The following CSMD1 variants were observed in gnomAD, a reference collection of about 807,000 sequenced individuals.
CSMD1 encodes CUB and sushi domain-containing protein 1.
CSMD1 carries 213 observed loss-of-function variants against 417.5 expected under a neutral mutation model. That is an observed-to-expected ratio of 0.51 (90% confidence interval 0.46 to 0.57). CSMD1 has a LOEUF of 0.57. Among genes scored for constraint, CSMD1 ranks in the 20% least tolerant of loss-of-function variants. The pLI, the probability that CSMD1 is intolerant of heterozygous loss-of-function variation, is 0.00. For synonymous variants in CSMD1, 2,862 were observed against 1,736.8 expected (o/e 1.65, Z -16.11); for missense variants, 6,923 against 4,529.7 (o/e 1.53, Z -15.17).
rs140180180 is a variant in CSMD1, at chr8:4,445,338, A to C, written c.303-25273T>G. Reference sequence around the variant, plus strand: ...ATCAACCATTTTCTGTATACTTCAGAAGTGTATGAAGTCTTTTCCTTAATA... The same window carrying C: ...ATCAACCATTTTCTGTATACTTCAGCAGTGTATGAAGTCTTTTCCTTAATA... On this transcript the variant is annotated intron_variant, in intron 2 of 69. Transcript: ENST00000635120. Among the ~76,000 whole-genome samples the C allele has an allele frequency of 4.5e-3, 689 of 152,294 alleles. 4 individuals carry two copies. The highest frequency in any genetic ancestry group is 0.016 in the African/African-American group (649 of 41,552).
At chr8:3,797,086 C>T (rs1346728371) in intron 5 of CSMD1, among the ~76,000 whole-genome samples, 2 of 151,812 alleles carry the variant, frequency 1.3e-5, no homozygotes, top group Non-Finnish European at 3.0e-5. Context: ...TGGACTTCTC[C>T]TTTAATGGGT....
chr8:4,085,580 A>C (rs1330901245), intron 3 of CSMD1, among the ~76,000 whole-genome samples: 1 of 152,214 alleles, frequency 6.6e-6, no homozygotes, highest in South Asian at 2.1e-4. Flanking sequence ...AATATGAAAG[A>C]AACTATCGAC....
chr8:4,227,323 C>G (rs1221776469), intron 3 of CSMD1, among the ~76,000 whole-genome samples: 2 of 152,156 alleles, frequency 1.3e-5, no homozygotes, highest in Admixed American at 6.5e-5. Context: ...TCTCCCACCA[C>G]TCACCACCCC....
chr8:4,595,458 T>C (rs943827230), intron 2 of CSMD1, among the ~76,000 whole-genome samples: 1 of 151,362 alleles, frequency 6.6e-6, no homozygotes, highest in African/African-American at 2.4e-5. Flanking sequence ...GGTAAGACTG[T>C]TCTGGTTCTG....
intron 7 of CSMD1, among the ~76,000 whole-genome samples, chr8:3,651,698 G>A (rs191198590): frequency 1.2e-4 from 18 of 151,958 alleles, no homozygotes; most frequent in Admixed American, 5.2e-4. Flanking sequence ...CCATCAGAGC[G>A]CTTACCACCA....
intron 23 of CSMD1, among the ~76,000 whole-genome samples, chr8:3,315,433 A>AGTGG (rs1188500819): frequency 4.5e-5 from 2 of 44,810 alleles, no homozygotes; most frequent in African/African-American, 1.5e-4. Flanking sequence ...TTCTAGGTGA[A>AGTGG]GTGAGTGTGT....
chr8:3,996,409 G>C (rs1262590050), intron 5 of CSMD1, among the ~76,000 whole-genome samples: 9 of 151,386 alleles, frequency 5.9e-5, no homozygotes, highest in African/African-American at 2.2e-4. Context: ...TAGAGCATAT[G>C]TACTAAAGAG....
chr8:3,853,420 T>C (rs1296884701), intron 5 of CSMD1, among the ~76,000 whole-genome samples: 1 of 152,190 alleles, frequency 6.6e-6, no homozygotes. Context: ...ACTTTAAAAA[T>C]GTATTTTCTT....
chr8:4,496,544 C>T (rs1801987733), intron 2 of CSMD1, among the ~76,000 whole-genome samples: 1 of 152,178 alleles, frequency 6.6e-6, no homozygotes, highest in East Asian at 1.9e-4. Context: ...TGAATGACCT[C>T]TGTTTTGAAC....
chr8:4,414,404 A>G (rs1185940274), intron 3 of CSMD1, among the ~76,000 whole-genome samples: 1 of 152,158 alleles, frequency 6.6e-6, no homozygotes, highest in African/African-American at 2.4e-5. Context: ...ACTGTAGGCC[A>G]TTTTCTTTCA....
chr8:4,372,730 G>C (rs1036731129), intron 3 of CSMD1, among the ~76,000 whole-genome samples: 2 of 134,790 alleles, frequency 1.5e-5, no homozygotes, highest in African/African-American at 3.0e-5. Context: ...TCCAAACCTA[G>C]AAAATGGAGG....
intron 3 of CSMD1, among the ~76,000 whole-genome samples, chr8:4,414,620 C>T (rs1269339568): frequency 2.6e-5 from 4 of 151,998 alleles, no homozygotes; most frequent in Non-Finnish European, 5.9e-5. Context: ...CTTCTGCATG[C>T]GTGGGTGTGT....
chr8:3,468,462 T>C (rs1816907840), intron 12 of CSMD1, among the ~76,000 whole-genome samples: 1 of 152,168 alleles, frequency 6.6e-6, no homozygotes, highest in African/African-American at 2.4e-5. Flanking sequence ...AGCTTACACC[T>C]AATACTTCAC....
At chr8:4,800,648 G>C (rs930894247) in intron 1 of CSMD1, among the ~76,000 whole-genome samples, 1 of 152,280 alleles carries the variant, frequency 6.6e-6, no homozygotes, top group Admixed American at 6.5e-5. Flanking sequence ...ATCCCCCAGG[G>C]GGCTGTGGAG....
chr8:3,564,515 A>ATT (rs774343932), intron 10 of CSMD1, among the ~76,000 whole-genome samples: 19 of 46,784 alleles, frequency 4.1e-4, no homozygotes, highest in Non-Finnish European at 6.6e-4. Flanking sequence ...TCCACAGTAT[A>ATT]TTTGTGTGTG....
At chr8:3,976,058 T>A (rs559152537) in intron 5 of CSMD1, among the ~76,000 whole-genome samples, 1 of 152,104 alleles carries the variant, frequency 6.6e-6, no homozygotes, top group Non-Finnish European at 1.5e-5. Flanking sequence ...AATCTGTATT[T>A]GATATGTTAA....
At chr8:3,106,422 CAAAT>C (rs978148388) in intron 46 of CSMD1, 102 bp downstream of exon 46, 5 of 637,986 alleles carry the variant, frequency 7.8e-6, no homozygotes, top group Non-Finnish European at 1.3e-5. Context: ...AAATAATAAA[CAAAT>C]AAATAAGTTC....
rs1304333682 is a variant in CSMD1 at position 3,018,505 on chromosome 8, G to C, written c.8001C>G (p.Leu2667=). 2 of 1,613,538 alleles carry C rather than the reference G, an allele frequency of 1.2e-6. No individual in the cohort carries two copies. The highest frequency in any genetic ancestry group is 2.2e-5 in the East Asian group (1 of 44,854). The part of the protein sequence containing the change: ...SHVRECLANG[L]WSGSETRCLA... The stretch of plus-strand genomic sequence containing the variant: ...GACATCGAGTTTCGCTGCCGCTCCA[G>C]AGCCCATTTGCCAAGCACTCTCTGA... The change falls in exon 52 of 70, where the codon CTC becomes CTG. Residue 2667 remains leucine (L), a synonymous_variant. Coordinates refer to ENST00000635120, the MANE Select transcript of CSMD1 (RefSeq NM_033225.6).
At chr8:3,054,122 C>T (rs1812056639) in intron 49 of CSMD1, among the ~76,000 whole-genome samples, 1 of 152,210 alleles carries the variant, frequency 6.6e-6, no homozygotes, top group Non-Finnish European at 1.5e-5. Flanking sequence ...TCTGCAAAAG[C>T]ACAGGTTATC....
Sources: gnomAD v4.1 joint callset for allele counts (sites outside exome capture counted in the v4.1 genomes callset) on GRCh38, gnomAD v4.1.1 for gene constraint, MANE v1.5 for transcripts, NCBI Gene and HGNC (gene_info 2026-07-23, HGNC 2026-07-21) for gene names.